SMARCA2: variants seen among roughly 807,000 people sequenced by gnomAD.
SMARCA2 encodes the protein SWI/SNF related BAF chromatin remodeling complex subunit ATPase 2, also known as SWI/SNF-related matrix-associated actin-dependent regulator of chromatin subfamily A member 2.
SMARCA2 carries 61 observed loss-of-function variants against 199.8 expected under a neutral mutation model. The ratio of observed to expected loss-of-function variants is 0.31; its 90% CI spans 0.25 to 0.38. SMARCA2 has a LOEUF of 0.38. Among genes scored for constraint, SMARCA2 ranks in the 10% least tolerant of loss-of-function variants. The probability of loss-of-function intolerance (pLI) is 1.00; values close to 1 mark genes in which losing one functional copy is unlikely to be tolerated. For synonymous variants in SMARCA2, 935 were observed against 732.0 expected (o/e 1.28, Z -4.48); for missense variants, 1,344 against 2,012.2 (o/e 0.67, Z 6.35).
intron 24 of SMARCA2, among the ~76,000 whole-genome samples, chr9:2,111,884 C>T (rs979289319): frequency 5.3e-5 from 8 of 152,122 alleles, no homozygotes; most frequent in Non-Finnish European, 1.0e-4. Flanking sequence ...CAACACTGGG[C>T]CACTGCGTGT....
chr9:2,072,971 G>A lies in SMARCA2; in HGVS notation c.1747-241G>A. On this transcript the variant is annotated intron_variant, in intron 10 of 33. Transcript: ENST00000349721. ...GCTCTTAACTCACAACCTTGGTGAT[G>A]TATCTGGTTGCTGGAGCTGAGGTTT... 8.5e-6 allele frequency: 4 copies of A among 472,228 alleles called. No individual in the cohort carries two copies. The South Asian group carries it at 1.1e-4, about 13-fold the overall frequency. 29.3% of individuals were successfully genotyped at this position (472,228 alleles called of 1,614,324 possible). A position where few individuals can be genotyped will look rare whatever the true frequency, so the allele number is the denominator to read the frequency against.
chr9:2,091,572 GT>G (rs1215837638), intron 19 of SMARCA2, among the ~76,000 whole-genome samples: 2 of 152,076 alleles, frequency 1.3e-5, no homozygotes, highest in Non-Finnish European at 2.9e-5. Flanking sequence ...TCATGTACAG[GT>G]TTTTGTGTGA....
At chr9:2,128,062 T>C (rs1823775011) in intron 27 of SMARCA2, among the ~76,000 whole-genome samples, 1 of 152,196 alleles carries the variant, frequency 6.6e-6, no homozygotes, top group Non-Finnish European at 1.5e-5. Flanking sequence ...GTTAACGTCA[T>C]CTTTTTGTGG....
chr9:2,070,731 TC>T (rs1472954147), intron 10 of SMARCA2, among the ~76,000 whole-genome samples: 2 of 152,220 alleles, frequency 1.3e-5, no homozygotes, highest in Admixed American at 6.5e-5. Context: ...GCACATATAA[TC>T]GTATGTTTAC....
intron 1 of SMARCA2, among the ~76,000 whole-genome samples, chr9:2,024,403 C>T (rs1402957921): frequency 1.3e-5 from 2 of 152,126 alleles, no homozygotes; most frequent in African/African-American, 4.8e-5. Context: ...AGTCTGATTT[C>T]CGTATCAGAC....
intron 29 of SMARCA2, among the ~76,000 whole-genome samples, chr9:2,175,668 T>C (rs1423706186): frequency 8.5e-5 from 13 of 152,230 alleles, no homozygotes; most frequent in Non-Finnish European, 1.3e-4. Context: ...AAAGTGTTTG[T>C]TGGGACCTAC....
chr9:2,075,792 G>T (rs1821298482), intron 12 of SMARCA2, among the ~76,000 whole-genome samples: 4 of 152,122 alleles, frequency 2.6e-5, no homozygotes. Context: ...CGAGTAGCTG[G>T]GATTACAGGC....
chr9:2,182,287 C>A (rs766524548), intron 31 of SMARCA2, 45 bp downstream of exon 31: 2 of 1,150,426 alleles, frequency 1.7e-6, no homozygotes, highest in Non-Finnish European at 1.3e-6. Flanking sequence ...TGTAAATGTG[C>A]CCGTTGTTCT....
rs936764427 is a variant in SMARCA2, at chr9:2,038,664, AC to A, written c.356-795del. ...CCACTGCAGCAGCTGGCTTGAAAAT[AC>A]CCCCCCTTTACTGGCTGCCTTCCCT... is the stretch of plus-strand genomic sequence containing the variant. On this transcript the variant is annotated intron_variant, in intron 3 of 33. Transcript: ENST00000349721. 4.6e-5 allele frequency among the ~76,000 whole-genome samples: 7 copies of A among 151,308 alleles called. No individual in the cohort carries two copies. The South Asian group carries it at 8.4e-4, about 18-fold the overall frequency.
chr9:2,154,357 T>TGG (rs1270887168), intron 27 of SMARCA2, among the ~76,000 whole-genome samples: 3 of 152,210 alleles, frequency 2.0e-5, no homozygotes, highest in African/African-American at 7.2e-5. Context: ...TATTAAAAGT[T>TGG]GGGGCTATTT....
chr9:2,056,674 G>A lies in SMARCA2; in HGVS notation c.1176G>A (p.Leu392=). The part of the protein sequence containing the change: ...ALRLLNFQRQ[L]RQEVVACMRR... ...TCTAACTGCTCTCTTCTTGACAGCTGAGACAGGAGGTGGTGGCCTGCATGC... is the reference window on the plus strand; with the variant it reads ...TCTAACTGCTCTCTTCTTGACAGCTAAGACAGGAGGTGGTGGCCTGCATGC... Residue 392 remains leucine, a splice_region_variant and synonymous_variant, in exon 7 of 34, where the codon CTG becomes CTA. Coordinates refer to ENST00000349721, the MANE Select transcript of SMARCA2 (RefSeq NM_003070.5). The surrounding 1 kb of genome is among the most constrained non-coding windows in gnomAD (Gnocchi z 4.0). 6.2e-7 allele frequency: 1 copy of A among 1,613,078 alleles called. No individual in the cohort carries two copies. The highest frequency in any genetic ancestry group is 8.5e-7 in the Non-Finnish European group (1 of 1,179,638).
intron 31 of SMARCA2, among the ~76,000 whole-genome samples, chr9:2,184,890 A>C (rs1827326606): frequency 6.6e-6 from 1 of 151,926 alleles, no homozygotes; most frequent in African/African-American, 2.4e-5. Context: ...TGTCATACTC[A>C]TACTCACTGC....
chr9:2,128,536 C>T (rs1326964604), intron 27 of SMARCA2, among the ~76,000 whole-genome samples: 2 of 152,218 alleles, frequency 1.3e-5, no homozygotes, highest in Non-Finnish European at 2.9e-5. Flanking sequence ...TCAGCAGTTG[C>T]TAAGTCAGCA....
At chr9:2,037,547 A>G (rs1819387836) in intron 3 of SMARCA2, among the ~76,000 whole-genome samples, 1 of 152,100 alleles carries the variant, frequency 6.6e-6, no homozygotes, top group South Asian at 2.1e-4. Flanking sequence ...AAAGTAACTG[A>G]ATCTTTTATT....
intron 27 of SMARCA2, among the ~76,000 whole-genome samples, chr9:2,128,828 C>T (rs998915576): frequency 6.6e-6 from 1 of 152,134 alleles, no homozygotes; most frequent in African/African-American, 2.4e-5. Flanking sequence ...CCAAACACCC[C>T]AGGCTTGGAT....
At chr9:2,145,304 C>CAAA (rs56314428) in intron 27 of SMARCA2, among the ~76,000 whole-genome samples, 8 of 132,326 alleles carry the variant, frequency 6.0e-5, no homozygotes, top group Admixed American at 2.3e-4. Context: ...ACTCTTGTCT[C>CAAA]AAAAAAAAAA....
At chr9:2,118,297 A>G (rs1382016007) in intron 25 of SMARCA2, among the ~76,000 whole-genome samples, 2 of 152,234 alleles carry the variant, frequency 1.3e-5, no homozygotes, top group Non-Finnish European at 2.9e-5. Flanking sequence ...GAGGCAAACT[A>G]GAATAGAAGG....
Position 2,047,236 on chromosome 9 carries a change from G to C in SMARCA2, c.798G>C (p.Gly266=). The C allele has an allele frequency of 9.9e-7, 1 of 1,009,722 alleles. No homozygotes were observed. The highest frequency in any genetic ancestry group is 1.2e-6 in the Non-Finnish European group (1 of 846,406). The allele number at this position is 1,009,722 out of a possible 1,614,324, so 62.5% of individuals were successfully genotyped here. ...LVNYNRPSGP[G]PELSGPSTPQ... ...GTCGCTCTTGTCCCGCAGGCCCGGG[G>C]CCGGAGCTGAGCGGCCCGAGCACCC... The change falls in exon 5 of 34, where the codon GGG becomes GGC. Residue 266 remains glycine (G), a synonymous_variant. Coordinates refer to ENST00000349721, the MANE Select transcript of SMARCA2 (RefSeq NM_003070.5).
Position 2,151,254 on chromosome 9 carries a change from A to T in SMARCA2, c.3982-10432A>T, listed in dbSNP as rs570435862. ...TAGCTGTGTTGCTGCCTTCTTTCTC[A>T]GTGAAAACATGACATTTAAAAAAAT... On this transcript the variant is annotated intron_variant, in intron 27 of 33. Coordinates refer to ENST00000349721, the MANE Select transcript of SMARCA2 (RefSeq NM_003070.5). 2.0e-5 allele frequency among the ~76,000 whole-genome samples: 3 copies of T among 151,724 alleles called. No individual in the cohort carries two copies. In the East Asian group the frequency reaches 5.8e-4, roughly 29 times the overall value.
Sources: gnomAD v4.1 joint callset for allele counts (sites outside exome capture counted in the v4.1 genomes callset) on GRCh38, gnomAD v4.1.1 for gene constraint, Gnocchi (gnomAD v3.1) non-coding constraint, MANE v1.5 for transcripts, NCBI Gene and HGNC (gene_info 2026-07-23, HGNC 2026-07-21) for gene names.